Variants in RNF130 observed in about 807,000 individuals in gnomAD.
RNF130 encodes the protein ring finger protein 130.
Under a neutral mutation model 44.6 loss-of-function variants are expected in RNF130, and 21 were observed. That is an observed-to-expected ratio of 0.47 (90% CI 0.33 to 0.68). The LOEUF (loss-of-function observed/expected upper bound fraction) is 0.68. Ranked by LOEUF, RNF130 falls within the 30% of genes least tolerant of loss-of-function variation. The pLI, the probability that RNF130 is intolerant of heterozygous loss-of-function variation, is 0.02. For synonymous variants in RNF130, 214 were observed against 210.4 expected (o/e 1.02, Z -0.15); for missense variants, 479 against 560.6 (o/e 0.85, Z 1.47).
At chr5:179,991,172 T>C (rs62404973) in intron 3 of RNF130, among the ~76,000 whole-genome samples, 23,956 of 152,212 alleles carry the variant, frequency 0.16, 2,037 homozygotes, top group Admixed American at 0.19. Context: ...AGAAAGTCTG[T>C]TGTTTGTCTG....
At chr5:179,940,094 T>C (rs1761950865) in intron 7 of RNF130, 2 of 192,260 alleles carry the variant, frequency 1.0e-5, no homozygotes, top group South Asian at 2.0e-4. Context: ...TGTTTTAATA[T>C]CCTCAGACCA....
intron 1 of RNF130, among the ~76,000 whole-genome samples, chr5:180,048,293 C>T (rs1764615377): frequency 6.6e-6 from 1 of 152,018 alleles, no homozygotes; most frequent in Non-Finnish European, 1.5e-5. Context: ...GTCTGTAGTC[C>T]GGTTTACGGC....
At chr5:180,018,451 G>A (rs1763793689) in intron 2 of RNF130, among the ~76,000 whole-genome samples, 1 of 152,126 alleles carries the variant, frequency 6.6e-6, no homozygotes, top group Admixed American at 6.6e-5. Flanking sequence ...TTGGGGAAAT[G>A]TCAGATGCTT....
chr5:179,983,629 C>T (rs1762891388), intron 3 of RNF130, among the ~76,000 whole-genome samples: 3 of 152,170 alleles, frequency 2.0e-5, no homozygotes, highest in African/African-American at 4.8e-5. Flanking sequence ...TGATATTTTG[C>T]ATTCCCATAT....
chr5:180,003,737 C>T (rs1186421499), intron 3 of RNF130, among the ~76,000 whole-genome samples: 1 of 152,138 alleles, frequency 6.6e-6, no homozygotes, highest in East Asian at 1.9e-4. Flanking sequence ...GGCTAACTCT[C>T]AAGTACCTAC....
intron 2 of RNF130, among the ~76,000 whole-genome samples, chr5:180,037,372 C>T (rs746958420): frequency 1.3e-5 from 2 of 152,194 alleles, no homozygotes; most frequent in Non-Finnish European, 2.9e-5. Flanking sequence ...TTGTGCTCCA[C>T]CGTAGGCATC....
At chr5:179,999,237 G>T (rs1448399475) in intron 3 of RNF130, among the ~76,000 whole-genome samples, 1 of 151,646 alleles carries the variant, frequency 6.6e-6, no homozygotes, top group Non-Finnish European at 1.5e-5. Context: ...GGCCAGGCTG[G>T]TCTCAAACTC....
At chr5:180,052,175 C>G (rs1764700023) in intron 1 of RNF130, among the ~76,000 whole-genome samples, 1 of 152,208 alleles carries the variant, frequency 6.6e-6, no homozygotes. Context: ...TCATCCACTC[C>G]CCTGCCTTCG....
In RNF130 at chr5:179,955,576, T is replaced by C. The variant is rs1481785650; in HGVS notation, c.*78A>G. 3 of 1,211,416 alleles carry C rather than the reference T, an allele frequency of 2.5e-6. No individual in the cohort carries two copies. The highest frequency in any genetic ancestry group is 2.4e-6 in the Non-Finnish European group (2 of 850,378). The allele number at this position is 1,211,416 out of a possible 1,614,324, so 75.0% of individuals were successfully genotyped here. ...ACTAAAAATAAATGCTTGTGTGGCA[T>C]GATTGGTAAATGATGCACAAAAATA... On this transcript the variant is annotated 3_prime_UTR_variant, in exon 9 of 9. Coordinates refer to ENST00000521389, the MANE Select transcript of RNF130 (RefSeq NM_018434.6).
intron 7 of RNF130, among the ~76,000 whole-genome samples, chr5:179,935,929 G>A (rs1761885923): frequency 6.6e-6 from 1 of 152,092 alleles, no homozygotes. Context: ...TTGTGCAGTT[G>A]ATGTCAAGCG....
At chr5:180,066,196 G>A (rs1293150103) in intron 1 of RNF130, among the ~76,000 whole-genome samples, 1 of 152,192 alleles carries the variant, frequency 6.6e-6, no homozygotes, top group East Asian at 1.9e-4. Flanking sequence ...TGGAATCATG[G>A]AGGCGGTTTC....
intron 3 of RNF130, among the ~76,000 whole-genome samples, chr5:180,010,333 T>G (rs553079446): frequency 6.7e-6 from 1 of 148,396 alleles, no homozygotes; most frequent in East Asian, 2.0e-4. Context: ...AGAGGTTACA[T>G]ACTATATGAT....
chr5:179,959,392 C>T (rs1672298863), intron 8 of RNF130, among the ~76,000 whole-genome samples: 1 of 151,950 alleles, frequency 6.6e-6, no homozygotes, highest in African/African-American at 2.4e-5. Context: ...CTTTGGGAGG[C>T]CGAGACAGGT....
chr5:179,990,333 T>C (rs1228464944), intron 3 of RNF130, among the ~76,000 whole-genome samples: 1 of 152,214 alleles, frequency 6.6e-6, no homozygotes, highest in Non-Finnish European at 1.5e-5. Flanking sequence ...GAGGACAGCT[T>C]ACGTCATCAT....
At chr5:179,982,507 A>C (rs148279699) in intron 3 of RNF130, among the ~76,000 whole-genome samples, 256 of 152,292 alleles carry the variant, frequency 1.7e-3, no homozygotes, top group African/African-American at 6.0e-3. Flanking sequence ...TTGCAACAGC[A>C]ATACATGAAA....
intron 6 of RNF130, among the ~76,000 whole-genome samples, chr5:179,969,835 C>CA (rs1033235383): frequency 6.6e-6 from 1 of 151,566 alleles, no homozygotes; most frequent in African/African-American, 2.4e-5. Flanking sequence ...ACTAAAAATA[C>CA]AAAAAATTAG....
At chr5:180,062,117 C>T (rs985091564) in intron 1 of RNF130, among the ~76,000 whole-genome samples, 7 of 150,002 alleles carry the variant, frequency 4.7e-5, no homozygotes, top group Non-Finnish European at 1.0e-4. Context: ...TGCAGTGGCA[C>T]GACCTTGGCT....
At chr5:180,033,148 ATTTTTT>A (rs778758487) in intron 2 of RNF130, among the ~76,000 whole-genome samples, 88 of 150,880 alleles carry the variant, frequency 5.8e-4, no homozygotes, top group African/African-American at 2.1e-3. Context: ...TACTTTTTTT[ATTTTTT>A]ATTTTTTTGT....
At chr5:179,916,300 C>T (rs936170215) in exon 8 of RNF130, 3 of 152,074 alleles carry the variant, frequency 2.0e-5, no homozygotes, top group Admixed American at 6.6e-5. Flanking sequence ...GAGGCTGAGG[C>T]GAGGTCAAGG....
Sources: gnomAD v4.1 joint callset for allele counts (sites outside exome capture counted in the v4.1 genomes callset) on GRCh38, gnomAD v4.1.1 for gene constraint, MANE v1.5 for transcripts, NCBI Gene and HGNC (gene_info 2026-07-23, HGNC 2026-07-21) for gene names.